Variants in NTM observed in about 807,000 individuals in gnomAD.
NTM encodes the protein IgLON family member 2.
A neutral mutation model predicts 42.1 loss-of-function variants in NTM; 13 were observed. The ratio of observed to expected loss-of-function variants is 0.31; its 90% CI spans 0.20 to 0.49. NTM has a LOEUF of 0.49. NTM is among the 20% of genes least tolerant of loss of function. The pLI, the probability that NTM is intolerant of heterozygous loss-of-function variation, is 0.99. For missense variants in NTM, 373 were observed against 452.8 expected, an observed-to-expected ratio of 0.82 and a Z score of 1.60; for synonymous variants, 187 against 179.2, an observed-to-expected ratio of 1.04 and a Z score of -0.35.
intron 1 of NTM, among the ~76,000 whole-genome samples, chr11:131,874,988 A>G (rs140473371): frequency 9.0e-4 from 137 of 152,318 alleles, no homozygotes; most frequent in Non-Finnish European, 1.7e-3. Flanking sequence ...GCCTATTTGT[A>G]TGACGGGGCC....
intron 2 of NTM, among the ~76,000 whole-genome samples, chr11:132,052,892 C>T (rs1056960422): frequency 1.3e-5 from 2 of 151,926 alleles, no homozygotes; most frequent in East Asian, 1.9e-4. Flanking sequence ...GAAGGAATCC[C>T]TGGATTTTTT....
chr11:131,883,729 G>A (rs1209074394), intron 1 of NTM, among the ~76,000 whole-genome samples: 1 of 152,170 alleles, frequency 6.6e-6, no homozygotes, highest in African/African-American at 2.4e-5. Context: ...TGACAAGCCA[G>A]CACCAAAACC....
intron 2 of NTM, among the ~76,000 whole-genome samples, chr11:132,100,147 A>G (rs985962874): frequency 1.3e-5 from 2 of 152,234 alleles, no homozygotes; most frequent in Admixed American, 1.3e-4. Context: ...CTATATTTGC[A>G]TGTTTTTAAC....
At position 131,891,319 on chromosome 11, in the gene NTM, C is replaced by T. The variant is rs534765322; in HGVS notation, c.83-20245C>T. On this transcript the variant is annotated intron_variant, in intron 1 of 8. Transcript: ENST00000683400. ...TGGAAGGGTTGCGGGGGCAGTCAGT[C>T]GAAGCGTGTCTTGAGGGGTGAATAG... Among the ~76,000 whole-genome samples, 7 of 152,134 alleles carry T rather than the reference C, an allele frequency of 4.6e-5. No homozygotes were observed. In the South Asian group the frequency reaches 1.2e-3, roughly 27 times the overall value.
At chr11:131,401,808 A>ATATATATATATATATATATATATGTG (rs1945178590) in intron 1 of NTM, among the ~76,000 whole-genome samples, 2 of 9,600 alleles carry the variant, frequency 2.1e-4, no homozygotes, top group African/African-American at 5.3e-4. Context: ...AAATATATAT[A>ATATATATATATATATATATATATGTG]TATATATATA....
chr11:131,598,687 C>CTTTCTTTCTTTCTT (rs2060040285), intron 1 of NTM, among the ~76,000 whole-genome samples: 5 of 21,218 alleles, frequency 2.4e-4, no homozygotes, highest in Admixed American at 7.0e-4. Context: ...CATTTGTTTT[C>CTTTCTTTCTTTCTT]TTTCTTTCTT....
At chr11:132,138,942 GAC>G (rs1035303336) in intron 2 of NTM, among the ~76,000 whole-genome samples, 3 of 152,156 alleles carry the variant, frequency 2.0e-5, no homozygotes, top group Admixed American at 6.5e-5. Context: ...CAGTCAAATT[GAC>G]ACAGAGAATT....
chr11:132,279,579 T>C (rs76352228), intron 4 of NTM, among the ~76,000 whole-genome samples: 4,107 of 152,314 alleles, frequency 0.027, 185 homozygotes, highest in African/African-American at 0.092. Flanking sequence ...TAAAACCATA[T>C]GTCTTCATGC....
chr11:132,179,419 G>A (rs1204443364), intron 3 of NTM, among the ~76,000 whole-genome samples: 1 of 152,146 alleles, frequency 6.6e-6, no homozygotes, highest in Non-Finnish European at 1.5e-5. Flanking sequence ...AGGCTCTGGT[G>A]TACGTGTGTG....
chr11:131,539,608 C>T (rs1390278158), intron 1 of NTM: 1 of 152,124 alleles, frequency 6.6e-6, no homozygotes, highest in African/African-American at 2.4e-5. Context: ...TGAGGTAAGA[C>T]CTGAATGACA....
chr11:131,628,022 A>G (rs923537988), intron 1 of NTM, among the ~76,000 whole-genome samples: 1 of 152,210 alleles, frequency 6.6e-6, no homozygotes, highest in African/African-American at 2.4e-5. Flanking sequence ...AGTCCCCTGC[A>G]ACTTAAATGT....
intron 1 of NTM, among the ~76,000 whole-genome samples, chr11:131,842,333 A>G (rs931071524): frequency 1.3e-5 from 2 of 152,210 alleles, no homozygotes; most frequent in Admixed American, 6.5e-5. Flanking sequence ...ATGAGCTCCT[A>G]TTAAAACATT....
intron 1 of NTM, among the ~76,000 whole-genome samples, chr11:131,479,384 G>C (rs938535902): frequency 6.6e-6 from 1 of 152,150 alleles, no homozygotes; most frequent in Admixed American, 6.5e-5. Context: ...TGAGAGGTTC[G>C]AAGAACTGTT....
chr11:132,137,227 GAC>G (rs1054644242), intron 2 of NTM, among the ~76,000 whole-genome samples: 1 of 152,192 alleles, frequency 6.6e-6, no homozygotes, highest in Admixed American at 6.5e-5. Context: ...AGTATGGGGT[GAC>G]ACACACTGGC....
chr11:131,866,279 A>G (rs933685126), intron 1 of NTM, among the ~76,000 whole-genome samples: 6 of 104,704 alleles, frequency 5.7e-5, no homozygotes, highest in African/African-American at 2.5e-4. Flanking sequence ...CCAAATTTAC[A>G]TGGGAATAAA....
At chr11:131,500,900 T>G (rs954803136) in intron 1 of NTM, among the ~76,000 whole-genome samples, 2 of 147,568 alleles carry the variant, frequency 1.4e-5, no homozygotes, top group Admixed American at 1.4e-4. Flanking sequence ...CATCCATGTC[T>G]CTACAAAGGA....
intron 4 of NTM, among the ~76,000 whole-genome samples, chr11:132,271,643 C>T (rs535309753): frequency 2.0e-5 from 3 of 151,848 alleles, no homozygotes; most frequent in Admixed American, 6.6e-5. Flanking sequence ...TTCCTGAGGG[C>T]TAATGATAGG....
At chr11:132,206,098 C>T (rs766536611) in intron 3 of NTM, among the ~76,000 whole-genome samples, 2 of 152,202 alleles carry the variant, frequency 1.3e-5, no homozygotes, top group Non-Finnish European at 2.9e-5. Context: ...TCAGAGCCAA[C>T]AGTTTAATCC....
chr11:132,125,663 G>T (rs1217929198), intron 2 of NTM, among the ~76,000 whole-genome samples: 6 of 122 alleles, frequency 0.049, no homozygotes, highest in South Asian at 0.17. Flanking sequence ...TGTGGTGTGT[G>T]TGTCATGTGT....
Sources: allele counts gnomAD v4.1 joint callset (sites outside exome capture counted in the v4.1 genomes callset), GRCh38; gene constraint gnomAD v4.1.1; transcripts MANE v1.5; gene names NCBI Gene and HGNC (gene_info 2026-07-23, HGNC 2026-07-21).